Variants in HSF2BP observed in about 807,000 individuals in gnomAD.
HSF2BP encodes the protein heat shock transcription factor 2 binding protein.
HSF2BP carries 35 observed loss-of-function variants against 35.0 expected under a neutral mutation model. That is an observed-to-expected ratio of 1.00 (90% CI 0.76 to 1.32). HSF2BP has a LOEUF of 1.32. Among genes scored for constraint, HSF2BP ranks in the 40% most tolerant of loss-of-function variants. The pLI, the probability that HSF2BP is intolerant of heterozygous loss-of-function variation, is 0.00. For synonymous variants in HSF2BP, 114 were observed against 117.4 expected (o/e 0.97, Z 0.18); for missense variants, 326 against 321.7 (o/e 1.01, Z -0.10).
intron 8 of HSF2BP, 73 bp downstream of exon 8, chr21:43,592,152 G>A (rs950618448): frequency 3.7e-5 from 35 of 949,010 alleles, no homozygotes; most frequent in African/African-American, 6.5e-5. Flanking sequence ...AACTTGGAAC[G>A]TATGCCCCGT....
At chr21:43,652,700 G>C (rs2082805692) in intron 3 of HSF2BP, among the ~76,000 whole-genome samples, 1 of 152,092 alleles carries the variant, frequency 6.6e-6, no homozygotes, top group Admixed American at 6.6e-5. Context: ...AAACTCAAAA[G>C]CCAAAATTAG....
intron 7 of HSF2BP, among the ~76,000 whole-genome samples, chr21:43,594,945 A>C (rs540217986): frequency 6.6e-6 from 1 of 152,246 alleles, no homozygotes; most frequent in Non-Finnish European, 1.5e-5. Flanking sequence ...ACTGTTTCAA[A>C]GAAACACACC....
At chr21:43,578,986 A>G (rs934898492) in intron 8 of HSF2BP, among the ~76,000 whole-genome samples, 7 of 152,226 alleles carry the variant, frequency 4.6e-5, no homozygotes, top group African/African-American at 1.7e-4. Flanking sequence ...GTTTTTCTTA[A>G]CAATTTCAGC....
At chr21:43,587,676 A>G (rs1227173360) in intron 8 of HSF2BP, among the ~76,000 whole-genome samples, 2 of 151,280 alleles carry the variant, frequency 1.3e-5, no homozygotes, top group Non-Finnish European at 2.9e-5. Context: ...AAAAAAAAAA[A>G]AAAAAAAAAA....
intron 6 of HSF2BP, among the ~76,000 whole-genome samples, chr21:43,621,988 C>T (rs890372496): frequency 6.6e-6 from 1 of 152,052 alleles, no homozygotes; most frequent in African/African-American, 2.4e-5. Flanking sequence ...AATATAAACA[C>T]GTAAATTGAG....
chr21:43,595,965 C>G (rs1353388393), intron 7 of HSF2BP, among the ~76,000 whole-genome samples: 1 of 151,744 alleles, frequency 6.6e-6, no homozygotes, highest in Non-Finnish European at 1.5e-5. Flanking sequence ...CATGATCCGC[C>G]CACCTCAGCC....
intron 3 of HSF2BP, 120 bp from the exon 4 acceptor site, chr21:43,644,512 G>C (rs901135815): frequency 4.4e-5 from 31 of 706,110 alleles, no homozygotes; most frequent in Non-Finnish European, 6.6e-5. Flanking sequence ...GAGAATATTT[G>C]CATTTCTTGA....
chr21:43,650,223 T>C (rs867692614), intron 3 of HSF2BP, among the ~76,000 whole-genome samples: 69 of 152,318 alleles, frequency 4.5e-4, no homozygotes, highest in African/African-American at 1.6e-3. Flanking sequence ...AATTTTTTTT[T>C]TGAGACAGAG....
At chr21:43,605,919 A>G (rs2146877515) in intron 7 of HSF2BP, among the ~76,000 whole-genome samples, 1 of 152,228 alleles carries the variant, frequency 6.6e-6, no homozygotes, top group Admixed American at 6.5e-5. Flanking sequence ...CACACCACAC[A>G]CACACATCCA....
chr21:43,591,722 C>G (rs1270494990), intron 8 of HSF2BP, among the ~76,000 whole-genome samples: 1 of 152,188 alleles, frequency 6.6e-6, no homozygotes, highest in African/African-American at 2.4e-5. Context: ...CTGGAAACAT[C>G]AAATGGAAAA....
intron 7 of HSF2BP, among the ~76,000 whole-genome samples, chr21:43,608,841 C>T (rs1318860005): frequency 6.9e-6 from 1 of 145,146 alleles, no homozygotes. Flanking sequence ...GGCATGATGT[C>T]ACATGCCTGT....
intron 4 of HSF2BP, among the ~76,000 whole-genome samples, chr21:43,641,841 A>C (rs1195830064): frequency 6.7e-6 from 1 of 149,294 alleles, no homozygotes; most frequent in Non-Finnish European, 1.5e-5. Flanking sequence ...CCAGGTATCC[A>C]GGAGGTGGAG....
chr21:43,635,684 A>C (rs1035104727), intron 4 of HSF2BP, among the ~76,000 whole-genome samples: 12 of 152,152 alleles, frequency 7.9e-5, no homozygotes, highest in Non-Finnish European at 1.5e-4. Context: ...TGGGAGGCTG[A>C]GGTGGGTGGA....
chr21:43,459,427 G>A, the HSF2BP span, among the ~76,000 whole-genome samples: 2 of 86,866 alleles, frequency 2.3e-5, no homozygotes. Flanking sequence ...AGCACCCACC[G>A]CACTGGTCCT....
intron 7 of HSF2BP, among the ~76,000 whole-genome samples, chr21:43,610,819 ACTC>A (rs972964977): frequency 1.3e-5 from 2 of 152,100 alleles, no homozygotes; most frequent in African/African-American, 4.8e-5. Context: ...CTCTGGGAAA[ACTC>A]CTGGAGAACT....
chr21:43,590,906 T>C (rs1176866650), intron 8 of HSF2BP, among the ~76,000 whole-genome samples: 1 of 152,212 alleles, frequency 6.6e-6, no homozygotes, highest in Admixed American at 6.5e-5. Flanking sequence ...GGTGATGGGT[T>C]TGCACATTAC....
At chr21:43,593,204 G>A (rs1050389847) in intron 7 of HSF2BP, among the ~76,000 whole-genome samples, 7 of 152,098 alleles carry the variant, frequency 4.6e-5, no homozygotes, top group Admixed American at 2.6e-4. Context: ...AGAGAGACAC[G>A]GACATTCATT....
chr21:43,625,647 C>A (rs2082380962), intron 6 of HSF2BP, among the ~76,000 whole-genome samples: 1 of 152,114 alleles, frequency 6.6e-6, no homozygotes. Flanking sequence ...AGAGCTAACC[C>A]ATGGTCTCTA....
chr21:43,656,172 G>A (rs2082865491), intron 3 of HSF2BP, among the ~76,000 whole-genome samples: 1 of 152,114 alleles, frequency 6.6e-6, no homozygotes, highest in Non-Finnish European at 1.5e-5. Context: ...TCTAGATACT[G>A]GCTCACCCAT....
Sources: allele counts gnomAD v4.1 joint callset (sites outside exome capture counted in the v4.1 genomes callset), GRCh38; gene constraint gnomAD v4.1.1; transcripts MANE v1.5; gene names NCBI Gene and HGNC (gene_info 2026-07-23, HGNC 2026-07-21).